Variants in FERMT1 observed in about 807,000 individuals in gnomAD.
FERMT1 encodes FERM domain containing kindlin 1.
FERMT1 carries 60 observed loss-of-function variants against 85.3 expected under a neutral mutation model. That is an observed-to-expected ratio of 0.70 (90% CI 0.57 to 0.87). FERMT1 has a LOEUF of 0.87. FERMT1 is among the 40% of genes least tolerant of loss of function. FERMT1 has a pLI of 0.00. For synonymous variants in FERMT1, 275 were observed against 301.1 expected, an observed-to-expected ratio of 0.91 and a Z score of 0.90; for missense variants, 701 against 818.9, an observed-to-expected ratio of 0.86 and a Z score of 1.76.
intron 5 of FERMT1, among the ~76,000 whole-genome samples, chr20:6,109,251 T>C (rs1308274406): frequency 2.0e-5 from 3 of 152,102 alleles, no homozygotes; most frequent in Non-Finnish European, 4.4e-5. Context: ...AGGACAGAGC[T>C]ACAAGGAGGG....
rs768549172 is a variant in FERMT1 at position 6,085,286 on chromosome 20, T to G, written c.1373A>C (p.Glu458Ala). 6.2e-7 allele frequency: 1 copy of G among 1,613,108 alleles called. No homozygotes were observed. The stretch of plus-strand genomic sequence containing the variant: ...AGCCATCCATTGGGCGTATTGATTC[T>G]CCTGCAGCAAACAGAAGGTTGAGAA... The part of the protein sequence containing the change: ...MNEMYLRCDH[E>A]NQYAQWMAAC... Residue 458 changes from glutamate to alanine, a missense_variant and splice_region_variant, in exon 12 of 15, where the codon GAG becomes GCG. By Grantham distance (107) the Glu-to-Ala change is moderately radical. Transcript: ENST00000217289.
chr20:6,092,582 C>T (rs1260364108), intron 9 of FERMT1, among the ~76,000 whole-genome samples: 1 of 152,162 alleles, frequency 6.6e-6, no homozygotes, highest in Non-Finnish European at 1.5e-5. Context: ...TGTGACACAG[C>T]CTTGGCTCTG....
intron 2 of FERMT1, among the ~76,000 whole-genome samples, chr20:6,117,538 A>T (rs527470783): frequency 6.6e-6 from 1 of 151,558 alleles, no homozygotes; most frequent in Admixed American, 6.6e-5. Context: ...TGTTCAAGTG[A>T]TTCTCCTGCC....
At chr20:6,095,601 A>G (rs1301486043) in intron 8 of FERMT1, among the ~76,000 whole-genome samples, 1 of 152,244 alleles carries the variant, frequency 6.6e-6, no homozygotes, top group Non-Finnish European at 1.5e-5. Flanking sequence ...TATTGTTAGC[A>G]TCACGTAAAA....
Position 6,084,151 on chromosome 20 carries a change from A to G in FERMT1, c.1607T>C (p.Ile536Thr). 1 of 1,612,428 alleles carries G rather than the reference A, an allele frequency of 6.2e-7. No individual in the cohort carries two copies. Among genetic ancestry groups the G allele is most frequent in the Non-Finnish European group, 8.5e-7 (1 of 1,179,264 alleles). The change falls in exon 13 of 15, where the codon ATC becomes ACC. Residue 536 changes from isoleucine (I) to threonine (T), a missense_variant. By Grantham distance (89) the Ile-to-Thr change is moderately conservative. Transcript: ENST00000217289. ...RHKSKQLAAR[I>T]LEAHQNVAQM... ...GGCCACGTTCTGGTGCGCCTCCAGG[A>G]TCCGGGCGGCCAGCTGAACAGAAAC...
chr20:6,116,591 G>A (rs1384211738), intron 2 of FERMT1, among the ~76,000 whole-genome samples: 1 of 151,942 alleles, frequency 6.6e-6, no homozygotes, highest in African/African-American at 2.4e-5. Context: ...AGCCAGGTGT[G>A]GTGGTGCGCA....
At position 6,119,514 on chromosome 20, in the gene FERMT1, A is replaced by C. The variant is rs999728597; in HGVS notation, c.41T>G (p.Leu14Arg). Residue 14 changes from leucine to arginine, a missense_variant, in exon 2 of 15, where the codon CTT (leucine) becomes CGT (arginine). Transcript: ENST00000217289. ...ATTGGGATGGTCAACGCGGACCACA[A>C]GCTCCCAGGAAGCAAATGTAAAGTC... ...STDFTFASWE[L>R]VVRVDHPNEE... 1.2e-6 allele frequency: 2 copies of C among 1,614,202 alleles called. No individual in the cohort carries two copies. Among genetic ancestry groups the C allele is most frequent in the Non-Finnish European group, 8.5e-7 (1 of 1,180,030 alleles).
At chr20:6,083,903 C>A in intron 13 of FERMT1, 137 bp downstream of exon 13, 1 of 989,852 alleles carries the variant, frequency 1.0e-6, no homozygotes, top group East Asian at 2.6e-5. Flanking sequence ...CCCAAAGTGT[C>A]AGGACTATTT....
chr20:6,122,161 A>G (rs1425447929), intron 1 of FERMT1, among the ~76,000 whole-genome samples: 1 of 152,194 alleles, frequency 6.6e-6, no homozygotes, highest in East Asian at 1.9e-4. Flanking sequence ...TCCCCTTACA[A>G]CAAAATGCAG....
intron 5 of FERMT1, among the ~76,000 whole-genome samples, chr20:6,107,898 C>T (rs1982842453): frequency 6.6e-6 from 1 of 152,196 alleles, no homozygotes; most frequent in Non-Finnish European, 1.5e-5. Context: ...CAGAGTCTTG[C>T]TCTATCACCT....
intron 6 of FERMT1, among the ~76,000 whole-genome samples, chr20:6,101,371 G>C (rs1045895432): frequency 2.0e-5 from 3 of 151,846 alleles, no homozygotes; most frequent in Admixed American, 1.3e-4. Context: ...TTTTTTCAGT[G>C]GTTAAAAAAA....
At chr20:6,099,120 T>G (rs1265239349) in intron 6 of FERMT1, among the ~76,000 whole-genome samples, 1 of 152,118 alleles carries the variant, frequency 6.6e-6, no homozygotes, top group East Asian at 1.9e-4. Flanking sequence ...AATGAAATTC[T>G]GGCTGGGCAC....
At chr20:6,077,420 G>A (rs1294151570) in intron 14 of FERMT1, 74 bp from the exon 15 acceptor site, 7 of 1,488,378 alleles carry the variant, frequency 4.7e-6, no homozygotes, top group Non-Finnish European at 5.6e-6. Flanking sequence ...TGCTGGACTG[G>A]CCCCTGGAGC....
chr20:6,080,867 A>C (rs1413994077), intron 13 of FERMT1, among the ~76,000 whole-genome samples: 1 of 152,158 alleles, frequency 6.6e-6, no homozygotes, highest in African/African-American at 2.4e-5. Context: ...GGATTTATGA[A>C]TCTCCAGTTC....
At chr20:6,111,955 A>G (rs1440623541) in intron 4 of FERMT1, among the ~76,000 whole-genome samples, 1 of 151,628 alleles carries the variant, frequency 6.6e-6, no homozygotes, top group African/African-American at 2.4e-5. Flanking sequence ...TTCCACCCTC[A>G]GGGCTCAAGC....
chr20:6,112,473 T>C lies in FERMT1; in HGVS notation c.532+4A>G. ...AACAACAAAACACCTGTAACAAGTC[T>C]TACCTGATGAACCTGAAGCTGTTGG... On this transcript the variant is annotated splice_donor_region_variant and intron_variant, in intron 4 of 14. Coordinates refer to ENST00000217289, the MANE Select transcript of FERMT1 (RefSeq NM_017671.5). 1.2e-6 allele frequency: 2 copies of C among 1,613,576 alleles called. No individual in the cohort carries two copies. The highest frequency in any genetic ancestry group is 1.7e-5 in the Admixed American group (1 of 60,020).
chr20:6,098,622 A>T (rs1472458877), intron 6 of FERMT1, among the ~76,000 whole-genome samples: 1 of 151,976 alleles, frequency 6.6e-6, no homozygotes, highest in Non-Finnish European at 1.5e-5. Flanking sequence ...CCAGCAGGGG[A>T]AGGAAGAATT....
intron 6 of FERMT1, among the ~76,000 whole-genome samples, chr20:6,105,962 TAAGC>T (rs11471154): frequency 0.018 from 2,804 of 152,310 alleles, 53 homozygotes; most frequent in South Asian, 0.08. Flanking sequence ...AATTAAGAGT[TAAGC>T]AAGGAAATGC....
In FERMT1 at chr20:6,097,000, T is replaced by A. The variant is rs1468376496; in HGVS notation, c.991A>T (p.Thr331Ser). The change falls in exon 8 of 15, where the codon ACA becomes TCA. Residue 331 changes from threonine (T) to serine (S), a missense_variant. Coordinates refer to ENST00000217289, the MANE Select transcript of FERMT1 (RefSeq NM_017671.5). ...TCGGACTCGCCTGCAAAATCCTGTG[T>A]TTCAGCAGACAACGACAGTTTGCTA... Reference protein sequence around the residue: ...HISKLSLSAETQDFAGESEVD... With the variant: ...HISKLSLSAESQDFAGESEVD... The A allele has an allele frequency of 6.2e-7, 1 of 1,614,062 alleles. No homozygotes were observed. Among genetic ancestry groups the A allele is most frequent in the Non-Finnish European group, 8.5e-7 (1 of 1,179,938 alleles).
Sources: gnomAD v4.1 joint callset for allele counts (sites outside exome capture counted in the v4.1 genomes callset) on GRCh38, gnomAD v4.1.1 for gene constraint, MANE v1.5 for transcripts, NCBI Gene and HGNC (gene_info 2026-07-23, HGNC 2026-07-21) for gene names.